Variants in GZMK observed in about 807,000 individuals in gnomAD.
The protein encoded by GZMK is NK-Tryp-2.
Under a neutral mutation model 22.8 loss-of-function variants are expected in GZMK, and 18 were observed. The ratio of observed to expected loss-of-function variants is 0.79; its 90% CI spans 0.54 to 1.17. The LOEUF is 1.17. GZMK is among the 50% of genes most tolerant of loss of function. The pLI is 0.00. For synonymous variants in GZMK, 136 were observed against 115.0 expected (o/e 1.18, Z -1.17); for missense variants, 342 against 320.2 (o/e 1.07, Z -0.52).
chr5:55,027,184 G>A (rs2111609048), intron 2 of GZMK, among the ~76,000 whole-genome samples: 1 of 152,284 alleles, frequency 6.6e-6, no homozygotes. Context: ...GTTTAAATGA[G>A]GGAAGCTTTG....
chr5:55,033,907 T>C lies in GZMK; in HGVS notation c.776T>C (p.Val259Ala), dbSNP rs201115051. Residue 259 changes from valine (V) to alanine (A), a missense_variant, in exon 5 of 5, where the codon GTC becomes GCC. Transcript: ENST00000231009. ...KYQTWIKSNL[V>A]PPHTN The stretch of plus-strand genomic sequence containing the variant: ...CAGACTTGGATCAAAAGCAACCTTG[T>C]CCCGCCTCATACAAATTAAGTTACA... The C allele has an allele frequency of 8.1e-6, 13 of 1,602,798 alleles. No individual in the cohort carries two copies. Among genetic ancestry groups the C allele is most frequent in the Admixed American group, 3.6e-5 (2 of 56,310 alleles).
In GZMK at chr5:55,024,753, G is replaced by A; in HGVS notation, c.158G>A (p.Gly53Glu). Reference sequence around the variant, plus strand: ...CAGTATGGCGGACATCACGTTTGTGGAGGTGTTCTGATTGATCCACAGTGG... The same window carrying A: ...CAGTATGGCGGACATCACGTTTGTGAAGGTGTTCTGATTGATCCACAGTGG... ...SIQYGGHHVC[G>E]GVLIDPQWVL... is the part of the protein sequence containing the mutation. Residue 53 changes from glycine to glutamate, a missense_variant, in exon 2 of 5, where the codon GGA (glycine) becomes GAA (glutamate). Gly to Glu is a moderately conservative substitution (Grantham distance 98). Coordinates refer to ENST00000231009, the MANE Select transcript of GZMK (RefSeq NM_002104.3). The A allele has an allele frequency of 6.2e-7, 1 of 1,612,038 alleles. No individual in the cohort carries two copies. Among genetic ancestry groups the A allele is most frequent in the Non-Finnish European group, 8.5e-7 (1 of 1,178,176 alleles).
In GZMK at chr5:55,034,517, T is replaced by A. The variant is rs1255250759; in HGVS notation, c.*591T>A. On this transcript the variant is annotated 3_prime_UTR_variant, in exon 5 of 5. Coordinates refer to ENST00000231009, the MANE Select transcript of GZMK (RefSeq NM_002104.3). The stretch of plus-strand genomic sequence containing the variant: ...TAAGCTTCTATGAGTTTGTATTTTT[T>A]AAATATAAATCATAAATATAAATAT... 1 of 152,210 alleles carries A rather than the reference T, an allele frequency of 6.6e-6. No individual in the cohort carries two copies. Among genetic ancestry groups the A allele is most frequent in the Non-Finnish European group, 1.5e-5 (1 of 68,032 alleles). 9.4% of individuals were successfully genotyped at this position (152,210 alleles called of 1,614,324 possible). A position where few individuals can be genotyped will look rare whatever the true frequency, so the allele number is the denominator to read the frequency against.
At chr5:55,031,104 C>G (rs989679100) in intron 3 of GZMK, among the ~76,000 whole-genome samples, 1 of 152,172 alleles carries the variant, frequency 6.6e-6, no homozygotes, top group Non-Finnish European at 1.5e-5. Flanking sequence ...CCATCCAATG[C>G]AGGGCAAAGG....
chr5:55,025,015 G>C (rs913767145), intron 2 of GZMK: 10 of 412,814 alleles, frequency 2.4e-5, no homozygotes, highest in Admixed American at 8.0e-5. Flanking sequence ...CTTTTCCCAG[G>C]CAAGACATTA....
chr5:55,025,101 G>C, intron 2 of GZMK: 2 of 212,818 alleles, frequency 9.4e-6, no homozygotes, highest in Non-Finnish European at 1.8e-5. Context: ...TCTTGACCTT[G>C]TTAGATCACA....
intron 2 of GZMK, chr5:55,026,945 C>A (rs927020525): frequency 6.6e-6 from 1 of 152,230 alleles, no homozygotes; most frequent in Non-Finnish European, 1.5e-5. Context: ...TAGATGGAAC[C>A]TTCCACAGCC....
intron 2 of GZMK, chr5:55,027,075 A>T (rs1251823344): frequency 6.6e-6 from 1 of 152,170 alleles, no homozygotes; most frequent in Non-Finnish European, 1.5e-5. Flanking sequence ...TGCCTCCTGG[A>T]GGCAAAGGTC....
At chr5:55,025,011 C>G (rs965663791) in intron 2 of GZMK, 2 of 418,434 alleles carry the variant, frequency 4.8e-6, no homozygotes, top group African/African-American at 4.0e-5. Flanking sequence ...GCTGCTTTTC[C>G]CAGGCAAGAC....
chr5:55,030,016 A>G (rs973340163), intron 2 of GZMK, among the ~76,000 whole-genome samples: 1 of 152,228 alleles, frequency 6.6e-6, no homozygotes, highest in East Asian at 1.9e-4. Flanking sequence ...TTATACCATT[A>G]TGTATACTTT....
rs1741234696 is a variant in GZMK at position 55,031,588 on chromosome 5, C to T, written c.588C>T (p.Asp196=). The change falls in exon 4 of 5, where the codon GAC becomes GAT. Residue 196 remains aspartate (D), a synonymous_variant. Transcript: ENST00000231009. The part of the protein sequence containing the change: ...YYNGDPFITK[D]MVCAGDAKGQ... ...ACGGCGACCCTTTTATCACCAAAGA[C>T]ATGGTCTGTGCAGGAGATGCCAAAG... is the stretch of plus-strand genomic sequence containing the variant. 6 of 1,613,932 alleles carry T rather than the reference C, an allele frequency of 3.7e-6. No individual in the cohort carries two copies. The highest frequency in any genetic ancestry group is 1.1e-5 in the South Asian group (1 of 91,082).
At chr5:55,029,667 T>G (rs769902994) in intron 2 of GZMK, among the ~76,000 whole-genome samples, 1 of 152,152 alleles carries the variant, frequency 6.6e-6, no homozygotes, top group Non-Finnish European at 1.5e-5. Context: ...CTTCAGCCTC[T>G]CAAACAGCTG....
Position 55,031,371 on chromosome 5 carries a change from C to A in GZMK, c.371C>A (p.Thr124Lys). The change falls in exon 4 of 5, where the codon ACA becomes AAA. Residue 124 changes from threonine (T) to lysine (K), a missense_variant. By Grantham distance (78) the Thr-to-Lys change is moderately conservative (BLOSUM62 -1). Transcript: ENST00000231009. ...CTTTTTTCAATCTGTCAGCTTCAAACAGCCGCAAAACTCAATAAACATGTC... is the reference window on the plus strand; with the variant it reads ...CTTTTTTCAATCTGTCAGCTTCAAAAAGCCGCAAAACTCAATAAACATGTC... ...SNDIMLVKLQ[T>K]AAKLNKHVKM... The A allele has an allele frequency of 1.2e-6, 2 of 1,612,206 alleles. No individual in the cohort carries two copies. The highest frequency in any genetic ancestry group is 4.5e-5 in the East Asian group (2 of 44,848).
intron 3 of GZMK, 101 bp from the exon 4 acceptor site, chr5:55,031,263 G>A: frequency 1.0e-6 from 1 of 970,218 alleles, no homozygotes; most frequent in Admixed American, 2.1e-5. Context: ...TCCCAGAACA[G>A]GGACGCCCGC....
At chr5:55,033,613 A>G (rs1286190536) in intron 4 of GZMK, 152 bp from the exon 5 acceptor site, 2 of 586,998 alleles carry the variant, frequency 3.4e-6, no homozygotes, top group African/African-American at 1.9e-5. Flanking sequence ...GACAACCTAT[A>G]ACGAGTAAGA....
intron 2 of GZMK, among the ~76,000 whole-genome samples, chr5:55,026,399 T>C (rs1741144078): frequency 7.0e-6 from 1 of 142,024 alleles, no homozygotes; most frequent in African/African-American, 2.9e-5. Context: ...AGAGAGGTCT[T>C]GGAGTTTTTT....
Position 55,024,348 on chromosome 5 carries a change from T to C in GZMK, c.26T>C (p.Leu9Pro). 6.7e-7 allele frequency: 1 copy of C among 1,491,546 alleles called. No individual in the cohort carries two copies. The highest frequency in any genetic ancestry group is 9.3e-7 in the Non-Finnish European group (1 of 1,070,150). The allele number at this position is 1,491,546 out of a possible 1,614,324, so 92.4% of individuals were successfully genotyped here. Residue 9 changes from leucine (L) to proline (P), a missense_variant, in exon 1 of 5, where the codon CTG (leucine) becomes CCG (proline). Coordinates refer to ENST00000231009, the MANE Select transcript of GZMK (RefSeq NM_002104.3). MTKFSSFSLFFLIVGAYMT... is the reference protein window; with the variant it reads MTKFSSFSPFFLIVGAYMT... ...ATGACTAAGTTTTCTTCCTTTTCTC[T>C]GTTTTTCCTAATAGTTGGGGCTTAT...
chr5:55,024,548 G>C (rs1359257183), intron 1 of GZMK, 112 bp from the exon 2 acceptor site: 2 of 834,848 alleles, frequency 2.4e-6, no homozygotes, highest in Non-Finnish European at 3.8e-6. Flanking sequence ...TTTTAGGTAG[G>C]GTTATTGTTG....
At position 55,033,773 on chromosome 5, in the gene GZMK, A is replaced by G. The variant is rs755241593; in HGVS notation, c.642A>G (p.Ser214=). The change falls in exon 5 of 5, where the codon TCA becomes TCG. Residue 214 remains serine (S), a synonymous_variant. Transcript: ENST00000231009. ...KGQKDSCKGD[S]GGPLICKGVF... is the part of the protein sequence containing the mutation. ...CTTTTTCTTCCTTCCAGGGTGACTC[A>G]GGGGGCCCCTTGATCTGTAAAGGTG... The G allele has an allele frequency of 5.7e-5, 91 of 1,597,844 alleles. 1 individual carries two copies. Among genetic ancestry groups the G allele is most frequent in the Non-Finnish European group, 8.5e-7 (1 of 1,175,724 alleles).
Sources: gnomAD v4.1 joint callset for allele counts (sites outside exome capture counted in the v4.1 genomes callset) on GRCh38, gnomAD v4.1.1 for gene constraint, MANE v1.5 for transcripts, NCBI Gene and HGNC (gene_info 2026-07-23, HGNC 2026-07-21) for gene names.